CORO2B: variants seen among roughly 807,000 people sequenced by gnomAD.
The protein encoded by CORO2B is coronin-2B.
In CORO2B, 26 loss-of-function variants were observed where a neutral mutation model predicts 58.8. The ratio of observed to expected loss-of-function variants is 0.44; its 90% CI spans 0.32 to 0.61. The LOEUF is 0.61. Ranked by LOEUF, CORO2B falls within the 20% of genes least tolerant of loss-of-function variation. The pLI, the probability that CORO2B is intolerant of heterozygous loss-of-function variation, is 0.04. For synonymous variants in CORO2B, 242 were observed against 253.8 expected, an observed-to-expected ratio of 0.95 and a Z score of 0.44; for missense variants, 460 against 645.1, an observed-to-expected ratio of 0.71 and a Z score of 3.11.
the CORO2B span, among the ~76,000 whole-genome samples, chr15:68,568,374 A>T: frequency 6.6e-6 from 1 of 152,226 alleles, no homozygotes; most frequent in East Asian, 1.9e-4. Flanking sequence ...CAGTGCCTAG[A>T]CACAAGTGCT....
upstream of CORO2B, among the ~76,000 whole-genome samples, chr15:68,574,263 G>A (rs1405122170): frequency 6.6e-6 from 1 of 152,220 alleles, no homozygotes; most frequent in Non-Finnish European, 1.5e-5. Context: ...GAAGCCTGAT[G>A]AGCTGAGGGG....
intron 2 of CORO2B, among the ~76,000 whole-genome samples, chr15:68,682,652 G>A (rs187186801): frequency 3.3e-5 from 5 of 152,254 alleles, no homozygotes; most frequent in East Asian, 3.9e-4. Flanking sequence ...GAGGGGCAAG[G>A]ATACCATGTT....
intron 2 of CORO2B, among the ~76,000 whole-genome samples, chr15:68,691,745 CCTT>C (rs779809824): frequency 3.9e-5 from 6 of 151,924 alleles, no homozygotes; most frequent in Non-Finnish European, 5.9e-5. Context: ...TCTGGCCACT[CCTT>C]CTTCTAAATA....
chr15:68,622,805 T>G (rs1307304596), intron 1 of CORO2B, among the ~76,000 whole-genome samples: 1 of 152,182 alleles, frequency 6.6e-6, no homozygotes, highest in East Asian at 1.9e-4. Context: ...TGACCTTAAC[T>G]CACAACACCC....
chr15:68,708,338 T>C (rs1420101137), intron 3 of CORO2B, among the ~76,000 whole-genome samples: 3 of 151,782 alleles, frequency 2.0e-5, no homozygotes, highest in Admixed American at 6.6e-5. Flanking sequence ...TGGTCTGCCT[T>C]TGGCTTTCTT....
At chr15:68,530,111 T>C in the CORO2B span, among the ~76,000 whole-genome samples, 1 of 152,128 alleles carries the variant, frequency 6.6e-6, no homozygotes. Flanking sequence ...GATCACGAGG[T>C]CAGGAGTTTG....
intron 2 of CORO2B, among the ~76,000 whole-genome samples, chr15:68,657,776 C>T (rs1901862182): frequency 6.6e-6 from 1 of 152,120 alleles, no homozygotes; most frequent in African/African-American, 2.4e-5. Flanking sequence ...TACATTTATA[C>T]ACGAAAGAAA....
intron 1 of CORO2B, among the ~76,000 whole-genome samples, chr15:68,588,901 C>T (rs1339464969): frequency 2.6e-5 from 4 of 152,036 alleles, no homozygotes; most frequent in African/African-American, 9.7e-5. Flanking sequence ...GGTGAAAGAC[C>T]AGCTTGCAAA....
At chr15:68,582,677 A>G (rs1899457660) in intron 1 of CORO2B, among the ~76,000 whole-genome samples, 1 of 152,218 alleles carries the variant, frequency 6.6e-6, no homozygotes, top group African/African-American at 2.4e-5. Flanking sequence ...TTAATGGGCT[A>G]TAAGAAAACC....
Position 68,714,639 on chromosome 15 carries a change from C to G in CORO2B, c.846C>G (p.Thr282=), listed in dbSNP as rs774425034. Residue 282 remains threonine (T), a synonymous_variant, in exon 7 of 12, where the codon ACC becomes ACG. Transcript: ENST00000261861. ...GLLFPFYDAD[T]HMLYLAGKGD... is the part of the protein sequence containing the mutation. ...TGTTCCCCTTCTATGATGCTGACAC[C>G]CACATGCTCTACCTGGCTGGAAAGG... 1 of 1,614,016 alleles carries G rather than the reference C, an allele frequency of 6.2e-7. No individual in the cohort carries two copies. The highest frequency in any genetic ancestry group is 8.5e-7 in the Non-Finnish European group (1 of 1,179,952).
In CORO2B at chr15:68,710,797, G is replaced by A. The variant is rs1386080764; in HGVS notation, c.399G>A (p.Leu133=). 6.2e-7 allele frequency: 1 copy of A among 1,612,522 alleles called. No individual in the cohort carries two copies. The highest frequency in any genetic ancestry group is 8.5e-7 in the Non-Finnish European group (1 of 1,179,390). Residue 133 remains leucine, a synonymous_variant, in exon 4 of 12, where the codon CTG becomes CTA. Coordinates refer to ENST00000261861, the MANE Select transcript of CORO2B (RefSeq NM_006091.5). This position sits in a 1 kb window ranked among gnomAD's most constrained non-coding sequence, Gnocchi z 4.1. ...ACATGACGGAGGCGCTCCTGGAGCT[G>A]CACGGGCACAGCCGGCGTGTGGGGC... ...KRNMTEALLE[L]HGHSRRVGLV...
intron 3 of CORO2B, among the ~76,000 whole-genome samples, chr15:68,703,541 T>C (rs1892710944): frequency 6.6e-6 from 1 of 152,196 alleles, no homozygotes; most frequent in African/African-American, 2.4e-5. Context: ...AGGGGTTAGA[T>C]ATCAGATCTT....
intron 2 of CORO2B, among the ~76,000 whole-genome samples, chr15:68,674,320 A>G (rs1902501645): frequency 6.6e-6 from 1 of 152,202 alleles, no homozygotes. Context: ...GGTGGGTAGT[A>G]TATATTCTCT....
intron 3 of CORO2B, among the ~76,000 whole-genome samples, chr15:68,698,052 C>G (rs1017583701): frequency 1.6e-4 from 25 of 152,174 alleles, no homozygotes; most frequent in African/African-American, 6.0e-4. Flanking sequence ...CCTCTACCCA[C>G]TCTGGGATGG....
intron 3 of CORO2B, among the ~76,000 whole-genome samples, chr15:68,699,723 G>A (rs4776418): frequency 0.87 from 132,389 of 152,134 alleles, 59,106 homozygotes; most frequent in Non-Finnish European, 0.96. Flanking sequence ...ACCTCTCCTG[G>A]AGGACGTGCT....
intron 2 of CORO2B, among the ~76,000 whole-genome samples, chr15:68,659,339 A>G (rs1216808108): frequency 6.6e-6 from 1 of 152,254 alleles, no homozygotes; most frequent in Non-Finnish European, 1.5e-5. Context: ...CCAATAACAT[A>G]AACAGTCAAT....
chr15:68,593,829 G>A (rs891429745), intron 1 of CORO2B, among the ~76,000 whole-genome samples: 8 of 152,144 alleles, frequency 5.3e-5, no homozygotes, highest in Admixed American at 3.3e-4. Context: ...GAAGGTCAAG[G>A]AAGGCTTCAT....
intron 1 of CORO2B, among the ~76,000 whole-genome samples, chr15:68,605,129 AAAAG>A (rs972670061): frequency 1.2e-4 from 19 of 152,350 alleles, no homozygotes; most frequent in Non-Finnish European, 2.2e-4. Context: ...AAAAAAAAAA[AAAAG>A]AAGTTTTGAA....
At chr15:68,575,243 G>C (rs1899257071), upstream of CORO2B, among the ~76,000 whole-genome samples, 1 of 152,196 alleles carries the variant, frequency 6.6e-6, no homozygotes. Flanking sequence ...ACACCCGCTA[G>C]GCTGACAGGC....
Sources: gnomAD v4.1 joint callset for allele counts (sites outside exome capture counted in the v4.1 genomes callset) on GRCh38, gnomAD v4.1.1 for gene constraint, Gnocchi (gnomAD v3.1) non-coding constraint, MANE v1.5 for transcripts, NCBI Gene and HGNC (gene_info 2026-07-23, HGNC 2026-07-21) for gene names.